The following LIPA variants were observed in gnomAD, a reference collection of about 807,000 sequenced individuals.
The protein encoded by LIPA is lysosomal acid lipase/cholesteryl ester hydrolase.
Under a neutral mutation model 40.6 loss-of-function variants are expected in LIPA, and 26 were observed. That is an observed-to-expected ratio of 0.64 (90% CI 0.47 to 0.89). LIPA has a LOEUF of 0.89. Ranked by LOEUF, LIPA falls within the 40% of genes least tolerant of loss-of-function variation. LIPA has a pLI of 0.00. For missense variants in LIPA, 455 were observed against 479.6 expected (o/e 0.95, Z 0.48); for synonymous variants, 188 against 168.4 (o/e 1.12, Z -0.90).
chr10:89,352,107 T>C (rs1843962446), intron 2 of LIPA, among the ~76,000 whole-genome samples: 1 of 152,192 alleles, frequency 6.6e-6, no homozygotes, highest in East Asian at 1.9e-4. Flanking sequence ...AAACCAGCTC[T>C]GGAAAACAAG....
chr10:89,263,849 C>T (rs1466836465), intron 1 of LIPA, among the ~76,000 whole-genome samples: 1 of 152,226 alleles, frequency 6.6e-6, no homozygotes, highest in Non-Finnish European at 1.5e-5. Context: ...TGGGGTCCAG[C>T]CACTGTGGAG....
At chr10:89,330,410 G>A (rs1377770193) in intron 1 of LIPA, among the ~76,000 whole-genome samples, 1 of 152,190 alleles carries the variant, frequency 6.6e-6, no homozygotes, top group African/African-American at 2.4e-5. Context: ...TATGCCCAAT[G>A]GCCAAAAGGT....
chr10:89,407,404 C>A (rs1841428994), intron 2 of LIPA, among the ~76,000 whole-genome samples: 1 of 152,154 alleles, frequency 6.6e-6, no homozygotes, highest in African/African-American at 2.4e-5. Context: ...AACTTCCGGA[C>A]TCTGTTACCA....
chr10:89,328,154 A>C, intron 1 of LIPA: 2 of 1,359,592 alleles, frequency 1.5e-6, no homozygotes, highest in Non-Finnish European at 2.1e-6. Context: ...CTGTGCAGGC[A>C]CATTCCTGAA....
chr10:89,235,085 G>A (rs1014890911), intron 3 of LIPA, among the ~76,000 whole-genome samples: 1 of 152,248 alleles, frequency 6.6e-6, no homozygotes, highest in African/African-American at 2.4e-5. Flanking sequence ...GCTGAAGGCA[G>A]AAAGCTATTT....
At chr10:89,340,284 C>A (rs12242568) in intron 1 of LIPA, 2 of 725,476 alleles carry the variant, frequency 2.8e-6, no homozygotes, top group Non-Finnish European at 4.2e-6. Flanking sequence ...TTTGGCCGGG[C>A]GCAGTGGCTC....
intron 5 of LIPA, 123 bp from the exon 6 acceptor site, chr10:89,225,351 C>T: frequency 8.8e-7 from 1 of 1,136,972 alleles, no homozygotes; most frequent in Non-Finnish European, 1.3e-6. Flanking sequence ...AACAATACCA[C>T]CAGCAGGAGC....
At chr10:89,340,207 C>A in intron 1 of LIPA, 1 of 1,434,508 alleles carries the variant, frequency 7.0e-7, no homozygotes, top group East Asian at 2.3e-5. Flanking sequence ...CAGGGGGCCC[C>A]AACCTGGGAT....
intron 1 of LIPA, among the ~76,000 whole-genome samples, chr10:89,283,499 C>T (rs1387629657): frequency 1.3e-5 from 2 of 152,190 alleles, no homozygotes; most frequent in Admixed American, 6.5e-5. Flanking sequence ...CCGGAATCCA[C>T]CCTAGTCCTG....
At chr10:89,252,772 C>T (rs1054041176), upstream of LIPA, among the ~76,000 whole-genome samples, 1 of 145,538 alleles carries the variant, frequency 6.9e-6, no homozygotes, top group African/African-American at 2.6e-5. Flanking sequence ...TGCCACTGCA[C>T]TCCAGCATGG....
chr10:89,317,576 C>A (rs1440222341), intron 1 of LIPA, among the ~76,000 whole-genome samples: 2 of 152,124 alleles, frequency 1.3e-5, no homozygotes, highest in East Asian at 3.9e-4. Flanking sequence ...GTGAAAAGAC[C>A]AAACATACAT....
intron 2 of LIPA, among the ~76,000 whole-genome samples, chr10:89,370,919 G>A (rs1235102391): frequency 1.3e-5 from 2 of 152,230 alleles, no homozygotes; most frequent in Non-Finnish European, 1.5e-5. Flanking sequence ...TCGGGAGGCT[G>A]AGACAGAAGA....
At chr10:89,413,289 T>C (rs1286710400) in intron 1 of LIPA, among the ~76,000 whole-genome samples, 1 of 152,226 alleles carries the variant, frequency 6.6e-6, no homozygotes, top group East Asian at 1.9e-4. Context: ...ATCAGGTTCT[T>C]AATAGCCACA....
chr10:89,371,055 T>C (rs977852345), intron 2 of LIPA, among the ~76,000 whole-genome samples: 28 of 152,156 alleles, frequency 1.8e-4, no homozygotes, highest in African/African-American at 6.3e-4. Context: ...TTTCTCCAAG[T>C]ATTGCCAGAT....
At chr10:89,374,382 T>A (rs377269053) in intron 2 of LIPA, among the ~76,000 whole-genome samples, 1 of 152,148 alleles carries the variant, frequency 6.6e-6, no homozygotes, top group South Asian at 2.1e-4. Flanking sequence ...GTTGGCTGTT[T>A]CCTTATTGTT....
chr10:89,261,394 A>G (rs1343826450), intron 1 of LIPA, among the ~76,000 whole-genome samples: 1 of 152,242 alleles, frequency 6.6e-6, no homozygotes, highest in East Asian at 1.9e-4. Context: ...AATCCCAGCT[A>G]CTTGGGAGGC....
intron 1 of LIPA, among the ~76,000 whole-genome samples, chr10:89,297,451 G>C (rs1049535828): frequency 6.6e-6 from 1 of 152,006 alleles, no homozygotes; most frequent in Non-Finnish European, 1.5e-5. Context: ...TATCCCAGGA[G>C]CCCCCAGTGA....
upstream of LIPA, among the ~76,000 whole-genome samples, chr10:89,343,031 A>T (rs1278652806): frequency 6.6e-6 from 1 of 152,260 alleles, no homozygotes; most frequent in African/African-American, 2.4e-5. Flanking sequence ...ACAAACTGTG[A>T]TAATCAGCTC....
chr10:89,256,521 C>T (rs1843181714), upstream of LIPA, among the ~76,000 whole-genome samples: 1 of 152,120 alleles, frequency 6.6e-6, no homozygotes, highest in African/African-American at 2.4e-5. Context: ...AATGATCAGC[C>T]CAGGCAAGTG....
Sources: allele counts gnomAD v4.1 joint callset (sites outside exome capture counted in the v4.1 genomes callset), GRCh38; gene constraint gnomAD v4.1.1; transcripts MANE v1.5; gene names NCBI Gene and HGNC (gene_info 2026-07-23, HGNC 2026-07-21).